NMS: variants seen among roughly 807,000 people sequenced by gnomAD.
The protein encoded by NMS is neuromedin-S.
A neutral mutation model predicts 32.2 loss-of-function variants in NMS; 30 were observed. The ratio of observed to expected loss-of-function variants is 0.93; its 90% confidence interval spans 0.70 to 1.26. The LOEUF is 1.26. NMS is among the 50% of genes most tolerant of loss of function. NMS has a pLI of 0.00. For missense variants in NMS, 190 were observed against 186.3 expected (o/e 1.02, Z -0.12); for synonymous variants, 76 against 58.5 (o/e 1.30, Z -1.37).
chr2:100,480,510 T>C lies in NMS; in HGVS notation c.351T>C (p.Ala117=), dbSNP rs1677197164. ...TTTCCTTGCAGGGCTCGGGGACTGC[T>C]GCAGTGGACTTCACCAAGAAGGTAC... The part of the protein sequence containing the change: ...KRILQRGSGT[A]AVDFTKKDHT... Residue 117 remains alanine, a synonymous_variant, in exon 7 of 10, where the codon GCT becomes GCC. Coordinates refer to ENST00000376865, the MANE Select transcript of NMS (RefSeq NM_001011717.1). 1 of 1,613,152 alleles carries C rather than the reference T, an allele frequency of 6.2e-7. No individual in the cohort carries two copies. Among genetic ancestry groups the C allele is most frequent in the African/African-American group, 1.3e-5 (1 of 74,888 alleles).
chr2:100,480,107 C>T (rs1205638101), intron 6 of NMS, among the ~76,000 whole-genome samples: 1 of 152,206 alleles, frequency 6.6e-6, no homozygotes, highest in East Asian at 1.9e-4. Context: ...AACCGCAAGC[C>T]TCCAGGTCCA....
chr2:100,472,935 T>C (rs1169021652), intron 2 of NMS, 85 bp downstream of exon 2: 2 of 914,410 alleles, frequency 2.2e-6, no homozygotes, highest in African/African-American at 3.3e-5. Flanking sequence ...TAAAACTATT[T>C]TGAGATCAGA....
chr2:100,481,052 G>C (rs1056614660), intron 7 of NMS, 74 bp from the exon 8 acceptor site: 1 of 1,495,290 alleles, frequency 6.7e-7, no homozygotes, highest in African/African-American at 1.4e-5. Context: ...TTTGAAAACT[G>C]TTCCTATAGA....
At chr2:100,479,452 T>C (rs1677174783) in intron 6 of NMS, 25 bp downstream of exon 6, 2 of 1,590,056 alleles carry the variant, frequency 1.3e-6, no homozygotes, top group Non-Finnish European at 1.7e-6. Flanking sequence ...TCTTCCACCA[T>C]AGTTTATGCC....
chr2:100,479,743 T>C (rs1677180887), intron 6 of NMS, among the ~76,000 whole-genome samples: 1 of 152,218 alleles, frequency 6.6e-6, no homozygotes, highest in African/African-American at 2.4e-5. Flanking sequence ...TCACTTCCCC[T>C]GTCTCTTTCT....
intron 7 of NMS, 63 bp from the exon 8 acceptor site, chr2:100,481,063 C>T: frequency 9.0e-6 from 14 of 1,551,214 alleles, no homozygotes; most frequent in African/African-American, 1.4e-5. Flanking sequence ...TTCCTATAGA[C>T]ATTTTTGAAG....
At chr2:100,480,570 G>T in intron 7 of NMS, 39 bp downstream of exon 7, 2 of 1,610,756 alleles carry the variant, frequency 1.2e-6, no homozygotes, top group Non-Finnish European at 1.7e-6. Context: ...CCCAAAGAAA[G>T]CCCTACCCGA....
In NMS at chr2:100,483,279, T is replaced by C; in HGVS notation, c.*15T>C. On this transcript the variant is annotated 3_prime_UTR_variant, in exon 10 of 10. Coordinates refer to ENST00000376865, the MANE Select transcript of NMS (RefSeq NM_001011717.1). ...TTCAGTGGTGAAAGAAAGCTGGATC[T>C]GATGAGGCCTTCCAGGGATTATGTT... is the stretch of plus-strand genomic sequence containing the variant. 1 of 1,603,442 alleles carries C rather than the reference T, an allele frequency of 6.2e-7. No homozygotes were observed. Among genetic ancestry groups the C allele is most frequent in the Non-Finnish European group, 8.5e-7 (1 of 1,170,840 alleles).
chr2:100,483,141 C>A, intron 9 of NMS, 111 bp from the exon 10 acceptor site: 1 of 950,528 alleles, frequency 1.1e-6, no homozygotes, highest in South Asian at 1.5e-5. Context: ...TATGACACTT[C>A]AAACTGAGGT....
At chr2:100,482,620 G>C (rs1677241274) in intron 9 of NMS, among the ~76,000 whole-genome samples, 1 of 152,128 alleles carries the variant, frequency 6.6e-6, no homozygotes, top group Non-Finnish European at 1.5e-5. Context: ...CAGCCCAGCT[G>C]GGCCCTCTGT....
intron 5 of NMS, among the ~76,000 whole-genome samples, chr2:100,478,569 G>A (rs1322398040): frequency 6.6e-6 from 1 of 152,018 alleles, no homozygotes; most frequent in East Asian, 1.9e-4. Context: ...TTCAAGCCAT[G>A]ATCTCTTGCC....
At chr2:100,471,975 T>C (rs62148438) in intron 1 of NMS, among the ~76,000 whole-genome samples, 37,314 of 151,964 alleles carry the variant, frequency 0.25, 4,780 homozygotes, top group East Asian at 0.34. Flanking sequence ...CAGGCTATTA[T>C]CTTTTAAGGT....
intron 5 of NMS, among the ~76,000 whole-genome samples, chr2:100,477,774 T>G (rs1161737885): frequency 6.6e-6 from 1 of 152,214 alleles, no homozygotes; most frequent in Non-Finnish European, 1.5e-5. Flanking sequence ...CTTTGTGATG[T>G]GTATGGTACC....
chr2:100,477,438 T>A, intron 5 of NMS, 24 bp downstream of exon 5: 1 of 1,588,076 alleles, frequency 6.3e-7, no homozygotes, highest in Non-Finnish European at 8.6e-7. Context: ...TATAATCATC[T>A]GTCTGTAAAA....
At chr2:100,471,212 G>A (rs1205221985) in intron 1 of NMS, among the ~76,000 whole-genome samples, 11 of 152,200 alleles carry the variant, frequency 7.2e-5, no homozygotes, top group African/African-American at 2.4e-4. Flanking sequence ...CATCTTCATA[G>A]GATGCAGGGA....
intron 8 of NMS, 83 bp downstream of exon 8, chr2:100,481,250 G>A (rs772327310): frequency 1.6e-6 from 2 of 1,268,840 alleles, no homozygotes; most frequent in East Asian, 2.3e-5. Context: ...AAACAGCAGA[G>A]CCAGGACCCC....
chr2:100,474,637 G>T (rs561349128), intron 3 of NMS, among the ~76,000 whole-genome samples: 1 of 152,314 alleles, frequency 6.6e-6, no homozygotes, highest in East Asian at 1.9e-4. Flanking sequence ...AGGATTAAAT[G>T]CTTCATATTT....
At chr2:100,481,829 A>T (rs147775427) in intron 8 of NMS, among the ~76,000 whole-genome samples, 1 of 152,346 alleles carries the variant, frequency 6.6e-6, no homozygotes, top group East Asian at 1.9e-4. Context: ...AACCTGTGTC[A>T]CTTGGCTTAA....
At chr2:100,477,514 C>A (rs1192559448) in intron 5 of NMS, 100 bp downstream of exon 5, 4 of 822,960 alleles carry the variant, frequency 4.9e-6, no homozygotes, top group African/African-American at 3.4e-5. Flanking sequence ...AAGCTGGGGG[C>A]TCCGGACATC....
Sources: allele counts gnomAD v4.1 joint callset (sites outside exome capture counted in the v4.1 genomes callset), GRCh38; gene constraint gnomAD v4.1.1; transcripts MANE v1.5; gene names NCBI Gene and HGNC (gene_info 2026-07-23, HGNC 2026-07-21).